Variants in MMP16 observed in about 807,000 individuals in gnomAD.
MMP16 encodes matrix metalloproteinase-16.
MMP16 carries 12 observed loss-of-function variants against 67.8 expected under a neutral mutation model. That is an observed-to-expected ratio of 0.18 (90% CI 0.11 to 0.29). MMP16 has a LOEUF of 0.29. Ranked by LOEUF, MMP16 falls within the 10% of genes least tolerant of loss-of-function variation. The pLI, the probability that MMP16 is intolerant of heterozygous loss-of-function variation, is 1.00. For missense variants in MMP16, 475 were observed against 765.7 expected (o/e 0.62, Z 4.48); for synonymous variants, 249 against 255.9 (o/e 0.97, Z 0.26).
At chr8:88,131,063 A>G (rs1808020219) in intron 4 of MMP16, among the ~76,000 whole-genome samples, 1 of 151,782 alleles carries the variant, frequency 6.6e-6, no homozygotes, top group African/African-American at 2.4e-5. Flanking sequence ...TAATAGCAAC[A>G]TTCATGGGGT....
At chr8:88,216,577 C>G (rs1294039448) in intron 1 of MMP16, among the ~76,000 whole-genome samples, 1 of 152,152 alleles carries the variant, frequency 6.6e-6, no homozygotes, top group East Asian at 1.9e-4. Flanking sequence ...TTTCCTCTGT[C>G]TGGAATAGTG....
chr8:88,264,225 A>C (rs976307470), intron 1 of MMP16, among the ~76,000 whole-genome samples: 6 of 152,044 alleles, frequency 3.9e-5, no homozygotes, highest in African/African-American at 1.2e-4. Flanking sequence ...TAGAGATGGA[A>C]TCTCACTGTG....
intron 6 of MMP16, among the ~76,000 whole-genome samples, chr8:88,080,295 T>G (rs944203932): frequency 6.6e-6 from 1 of 152,182 alleles, no homozygotes; most frequent in African/African-American, 2.4e-5. Flanking sequence ...GCTGTTTAGT[T>G]TGAGTATTAA....
At chr8:88,046,924 T>A in intron 8 of MMP16, 140 bp from the exon 9 acceptor site, 1 of 478,596 alleles carries the variant, frequency 2.1e-6, no homozygotes, top group Non-Finnish European at 3.6e-6. Flanking sequence ...GTTAATGATT[T>A]ACAGAACTCC....
At position 88,327,095 on chromosome 8, in the gene MMP16, C is replaced by G; in HGVS notation, c.112G>C (p.Glu38Gln). Residue 38 changes from glutamate to glutamine, a missense_variant, in exon 1 of 10, where the codon GAG (glutamate) becomes CAG (glutamine). Glu to Gln is a conservative substitution (Grantham distance 29). Around this residue, in one of 5 missense-constraint regions of MMP16, gnomAD observed 170 missense variants for 239.6 expected, o/e 0.71. Transcript: ENST00000286614. Reference sequence around the variant, plus strand: ...CTTACCTCCACATTGAAATACTGCTCCGTTCCGCAGACTGTAGCACATAAA... The same window carrying G: ...CTTACCTCCACATTGAAATACTGCTGCGTTCCGCAGACTGTAGCACATAAA... Reference protein sequence around the residue: ...WILCATVCGTEQYFNVEVWLQ... With the variant: ...WILCATVCGTQQYFNVEVWLQ... The G allele has an allele frequency of 6.2e-7, 1 of 1,613,980 alleles. No individual in the cohort carries two copies. Among genetic ancestry groups the G allele is most frequent in the Non-Finnish European group, 8.5e-7 (1 of 1,179,964 alleles).
At chr8:88,204,317 G>C (rs1314286071) in intron 1 of MMP16, among the ~76,000 whole-genome samples, 2 of 152,088 alleles carry the variant, frequency 1.3e-5, no homozygotes, top group Non-Finnish European at 2.9e-5. Context: ...ACAAAATAAG[G>C]CTCATGATTT....
intron 1 of MMP16, among the ~76,000 whole-genome samples, chr8:88,326,252 T>C (rs1458443980): frequency 6.6e-6 from 1 of 152,188 alleles, no homozygotes; most frequent in African/African-American, 2.4e-5. Context: ...CAGTGCTGAC[T>C]TGATGACAGG....
chr8:88,075,938 TACAC>T lies in MMP16; in HGVS notation c.1084-1199_1084-1196del, dbSNP rs71556442. Among the ~76,000 whole-genome samples the T allele has an allele frequency of 5.0e-3, 703 of 140,490 alleles. 5 individuals are homozygous for T. The highest frequency in any genetic ancestry group is 8.3e-3 in the Non-Finnish European group (546 of 65,640). 92.2% of individuals were successfully genotyped at this position (140,490 alleles called of 152,430 possible). A position where few individuals can be genotyped will look rare whatever the true frequency, so the allele number is the denominator to read the frequency against. The stretch of plus-strand genomic sequence containing the variant: ...GATTTATCAATTACTCATATATTCA[TACAC>T]ACACACACACACACACACACACACA... On this transcript the variant is annotated intron_variant, in intron 6 of 9. Coordinates refer to ENST00000286614, the MANE Select transcript of MMP16 (RefSeq NM_005941.5).
chr8:88,203,346 C>A (rs1486505236), intron 1 of MMP16, among the ~76,000 whole-genome samples: 4 of 152,062 alleles, frequency 2.6e-5, no homozygotes, highest in Admixed American at 2.0e-4. Flanking sequence ...TCGTGATCCA[C>A]CCACCTCGTC....
intron 1 of MMP16, among the ~76,000 whole-genome samples, chr8:88,326,313 T>G (rs1052815485): frequency 2.2e-4 from 33 of 152,216 alleles, no homozygotes; most frequent in Admixed American, 1.4e-3. Context: ...AGTTCCCTTT[T>G]GCTTTGTGCC....
intron 1 of MMP16, among the ~76,000 whole-genome samples, chr8:88,272,212 A>G (rs750299922): frequency 6.6e-6 from 1 of 152,144 alleles, no homozygotes; most frequent in Non-Finnish European, 1.5e-5. Flanking sequence ...TCGTGGCTAT[A>G]ATGGTATCAT....
intron 1 of MMP16, among the ~76,000 whole-genome samples, chr8:88,268,276 A>T (rs1810509872): frequency 6.6e-6 from 1 of 152,200 alleles, no homozygotes; most frequent in African/African-American, 2.4e-5. Context: ...TGGGAGGTGG[A>T]GGTTGCAGTG....
intron 1 of MMP16, among the ~76,000 whole-genome samples, chr8:88,284,340 T>C (rs28986504): frequency 1.9e-4 from 29 of 152,304 alleles, no homozygotes; most frequent in African/African-American, 7.0e-4. Flanking sequence ...ATGTGGTGCA[T>C]ATCAAATATG....
chr8:88,149,400 T>C (rs1195317304), intron 4 of MMP16, among the ~76,000 whole-genome samples: 7 of 152,158 alleles, frequency 4.6e-5, no homozygotes, highest in Non-Finnish European at 7.4e-5. Context: ...GCTCCACCTC[T>C]GGGGGCAGGG....
chr8:88,168,418 T>C (rs1427671250), intron 3 of MMP16, among the ~76,000 whole-genome samples: 4 of 152,192 alleles, frequency 2.6e-5, no homozygotes, highest in African/African-American at 9.6e-5. Context: ...TCTGTAAATA[T>C]GAATTCAGCA....
At chr8:88,263,415 A>G (rs1810421983) in intron 1 of MMP16, among the ~76,000 whole-genome samples, 1 of 152,176 alleles carries the variant, frequency 6.6e-6, no homozygotes, top group African/African-American at 2.4e-5. Flanking sequence ...GGAAATCTAT[A>G]TGGAAAAATT....
In MMP16 at chr8:88,268,399, C is replaced by T. The variant is rs563406430; in HGVS notation, c.132+58676G>A. Among the ~76,000 whole-genome samples, 151 of 152,140 alleles carry T rather than the reference C, an allele frequency of 9.9e-4. 2 individuals carry two copies. Among genetic ancestry groups the T allele is most frequent in the African/African-American group, 3.4e-3 (142 of 41,524 alleles). Reference sequence around the variant, plus strand: ...AAAACAACAAAAAAATTCATTCATTCGTCTATTCAACAAAATATCTACTTG... The same window carrying T: ...AAAACAACAAAAAAATTCATTCATTTGTCTATTCAACAAAATATCTACTTG... On this transcript the variant is annotated intron_variant, in intron 1 of 9. Transcript: ENST00000286614.
In MMP16 at chr8:88,269,486, A is replaced by C. The variant is rs114410539; in HGVS notation, c.132+57589T>G. Among the ~76,000 whole-genome samples the C allele has an allele frequency of 5.9e-3, 902 of 152,316 alleles. 5 individuals carry two copies. Among genetic ancestry groups the C allele is most frequent in the African/African-American group, 0.021 (856 of 41,570 alleles). Reference sequence around the variant, plus strand: ...ACAAAAGAAGGGAGTTGAGGGGAATAATACATTTACCTAGAAGCATAAAAA... The same window carrying C: ...ACAAAAGAAGGGAGTTGAGGGGAATCATACATTTACCTAGAAGCATAAAAA... On this transcript the variant is annotated intron_variant, in intron 1 of 9. Coordinates refer to ENST00000286614, the MANE Select transcript of MMP16 (RefSeq NM_005941.5).
chr8:88,114,372 C>T (rs1448776916), intron 6 of MMP16, among the ~76,000 whole-genome samples: 1 of 151,884 alleles, frequency 6.6e-6, no homozygotes, highest in African/African-American at 2.4e-5. Flanking sequence ...ACTCCAATCT[C>T]AGTAAAATTT....
Sources: allele counts gnomAD v4.1 joint callset (sites outside exome capture counted in the v4.1 genomes callset), GRCh38; gene constraint gnomAD v4.1.1; regional missense constraint gnomAD v4.1.1; transcripts MANE v1.5; gene names NCBI Gene and HGNC (gene_info 2026-07-23, HGNC 2026-07-21).